Variants in GDPD5 observed in about 807,000 individuals in gnomAD.
The protein encoded by GDPD5 is glycerophosphodiester phosphodiesterase 2.
In GDPD5, 48 loss-of-function variants were observed where a neutral mutation model predicts 75.1. The observed-to-expected ratio is 0.64, with a 90% CI of 0.51 to 0.81. The LOEUF is 0.81. Among genes scored for constraint, GDPD5 ranks in the 40% least tolerant of loss-of-function variants. The pLI is 0.00. For missense variants in GDPD5, 706 were observed against 822.6 expected (o/e 0.86, Z 1.73); for synonymous variants, 336 against 339.0 (o/e 0.99, Z 0.10).
Position 75,444,530 on chromosome 11 carries a change from A to G in GDPD5, c.715-35T>C, listed in dbSNP as rs369443010. 1.9e-4 allele frequency: 287 copies of G among 1,486,320 alleles called. 2 individuals are homozygous for G. The East Asian group carries it at 4.3e-3, about 22-fold the overall frequency. The allele number at this position is 1,486,320 out of a possible 1,614,324, so 92.1% of individuals were successfully genotyped here. ...AAGGGGTGGTGAAGGGAGAGCCAAG[A>G]TTCAGCTGATGTACCCTCCCCAGCC... On this transcript the variant is annotated intron_variant, in intron 9 of 16. Coordinates refer to ENST00000336898, the MANE Select transcript of GDPD5 (RefSeq NM_030792.8).
intron 1 of GDPD5, among the ~76,000 whole-genome samples, chr11:75,519,049 T>C (rs1480856668): frequency 6.6e-6 from 1 of 152,154 alleles, no homozygotes; most frequent in Admixed American, 6.5e-5. Flanking sequence ...GAGCTGAGCC[T>C]GTCAGACCAG....
chr11:75,477,761 G>GA lies in GDPD5; in HGVS notation c.-27_-26insT. 2 of 1,501,132 alleles carry GA rather than the reference G, an allele frequency of 1.3e-6. No homozygotes were observed. The highest frequency in any genetic ancestry group is 1.8e-6 in the Non-Finnish European group (2 of 1,107,728). The allele number at this position is 1,501,132 out of a possible 1,614,324, so 93.0% of individuals were successfully genotyped here. A position where few individuals can be genotyped will look rare whatever the true frequency, so the allele number is the denominator to read the frequency against. ...ACTCGTGCCCACGGCCCTGGCGCCT[G>GA]GCCCTCAGGCGCCCATGGAGGCCCC... On this transcript the variant is annotated 5_prime_UTR_variant, in exon 3 of 17. Transcript: ENST00000336898.
In GDPD5 at chr11:75,439,927, G is replaced by C. The variant is rs1425166429; in HGVS notation, c.1508C>G (p.Ala503Gly). ...PDEYCLMWVT[A>G]DLVSFTLIVG... is the part of the protein sequence containing the mutation. ...GATGAGGGTGAAGGAGACCAGGTCGGCAGTGACCCACATGAGACAGTACTC... is the reference window on the plus strand; with the variant it reads ...GATGAGGGTGAAGGAGACCAGGTCGCCAGTGACCCACATGAGACAGTACTC... Residue 503 changes from alanine to glycine, a missense_variant, in exon 15 of 17, where the codon GCC becomes GGC. Transcript: ENST00000336898. 6.2e-6 allele frequency: 10 copies of C among 1,613,882 alleles called. No homozygotes were observed. The East Asian group carries it at 2.2e-4, about 36-fold the overall frequency.
chr11:75,488,290 AC>A (rs1273179983), intron 2 of GDPD5, among the ~76,000 whole-genome samples: 5 of 152,074 alleles, frequency 3.3e-5, no homozygotes, highest in African/African-American at 9.7e-5. Context: ...CCCCGGGACT[AC>A]TATTTGGGGG....
intron 1 of GDPD5, among the ~76,000 whole-genome samples, chr11:75,506,074 T>G (rs980209048): frequency 1.3e-5 from 2 of 152,176 alleles, no homozygotes; most frequent in Admixed American, 1.3e-4. Flanking sequence ...ATAAGGACCC[T>G]TCCCAGAGCC....
chr11:75,495,011 T>A (rs1950184618), intron 1 of GDPD5, among the ~76,000 whole-genome samples: 1 of 151,884 alleles, frequency 6.6e-6, no homozygotes, highest in African/African-American at 2.4e-5. Context: ...CTCACGTCTG[T>A]AATCTCAGCA....
chr11:75,513,751 C>T (rs2135492887), intron 1 of GDPD5, among the ~76,000 whole-genome samples: 1 of 152,328 alleles, frequency 6.6e-6, no homozygotes, highest in South Asian at 2.1e-4. Flanking sequence ...TCCCAGGAGC[C>T]CCAGATGACC....
intron 5 of GDPD5, among the ~76,000 whole-genome samples, chr11:75,457,275 C>T (rs1384085563): frequency 6.6e-6 from 1 of 152,176 alleles, no homozygotes; most frequent in East Asian, 1.9e-4. Context: ...AGTGGGCCCT[C>T]TCGGCCAGGA....
chr11:75,460,009 G>C (rs766689506), intron 4 of GDPD5, among the ~76,000 whole-genome samples: 2 of 152,162 alleles, frequency 1.3e-5, no homozygotes, highest in Non-Finnish European at 2.9e-5. Context: ...GCCCTCCCTG[G>C]CCCTCATCCT....
At chr11:75,499,990 C>T (rs1950277152) in intron 1 of GDPD5, among the ~76,000 whole-genome samples, 1 of 152,174 alleles carries the variant, frequency 6.6e-6, no homozygotes, top group African/African-American at 2.4e-5. Flanking sequence ...TACCACCATA[C>T]CCTGCAGATA....
At chr11:75,454,422 C>T (rs192542935) in intron 6 of GDPD5, among the ~76,000 whole-genome samples, 27 of 152,324 alleles carry the variant, frequency 1.8e-4, no homozygotes, top group African/African-American at 6.5e-4. Flanking sequence ...GAATCGGAGG[C>T]ACTTGGCAAG....
At chr11:75,510,979 A>G (rs1320746784) in intron 1 of GDPD5, among the ~76,000 whole-genome samples, 1 of 152,198 alleles carries the variant, frequency 6.6e-6, no homozygotes, top group Non-Finnish European at 1.5e-5. Context: ...CATGTATTTA[A>G]GGCTTGTCTT....
In GDPD5 at chr11:75,462,841, G is replaced by A. The variant is rs942259201; in HGVS notation, c.166C>T (p.Leu56Phe). The A allele has an allele frequency of 1.9e-6, 3 of 1,614,032 alleles. No individual in the cohort carries two copies. The African/African-American group carries it at 4.0e-5, about 22-fold the overall frequency. The change falls in exon 4 of 17, where the codon CTC becomes TTC. Residue 56 changes from leucine (L) to phenylalanine (F), a missense_variant. By Grantham distance (22) the Leu-to-Phe change is conservative. Transcript: ENST00000336898. ...LLLTFTFGLTLTWLYFWWEVH... is the reference protein window; with the variant it reads ...LLLTFTFGLTFTWLYFWWEVH... ...TCCCACCAGAAGTAAAGCCAGGTGA[G>A]CGTGAGGCCAAAGGTGAAGGTGAGG...
In GDPD5 at chr11:75,441,796, C is replaced by T; in HGVS notation, c.1175G>A (p.Trp392Ter). The change falls in exon 13 of 17, where the codon TGG becomes TAG. Residue 392 changes from tryptophan to a stop codon, truncating the protein, a stop_gained. Coordinates refer to ENST00000336898, the MANE Select transcript of GDPD5 (RefSeq NM_030792.8). LOFTEE classifies it high-confidence loss of function. ...HSGFPQHQVMWLPSRQRPLVR... is the reference protein window; with the variant it reads ...HSGFPQHQVM ...CAGGGGCCTCTGCCTGCTAGGCAGC[C>T]ACATGACCTGCAGGCAGAAGAGAGG... The T allele has an allele frequency of 6.2e-7, 1 of 1,608,014 alleles. No individual in the cohort carries two copies. The highest frequency in any genetic ancestry group is 8.5e-7 in the Non-Finnish European group (1 of 1,179,424).
intron 1 of GDPD5, among the ~76,000 whole-genome samples, chr11:75,492,214 G>A (rs922869320): frequency 6.6e-6 from 1 of 152,202 alleles, no homozygotes; most frequent in African/African-American, 2.4e-5. Context: ...GGGTGAGGCA[G>A]AATGGTCTCA....
At chr11:75,495,239 G>A (rs1041262527) in intron 1 of GDPD5, among the ~76,000 whole-genome samples, 1 of 150,462 alleles carries the variant, frequency 6.6e-6, no homozygotes, top group African/African-American at 2.4e-5. Flanking sequence ...CTGCACTTCA[G>A]CCTGAGTGAC....
chr11:75,523,109 A>G (rs1941526334), intron 1 of GDPD5, among the ~76,000 whole-genome samples: 1 of 152,172 alleles, frequency 6.6e-6, no homozygotes, highest in African/African-American at 2.4e-5. Flanking sequence ...CTTCATAGGG[A>G]TGGAAACGGA....
In GDPD5 at chr11:75,434,644, G is replaced by T. The variant is rs1201433993; in HGVS notation, c.*863C>A. On this transcript the variant is annotated 3_prime_UTR_variant, in exon 17 of 17. Coordinates refer to ENST00000336898, the MANE Select transcript of GDPD5 (RefSeq NM_030792.8). Reference sequence around the variant, plus strand: ...GCAATTCAGAGACAACACACATCAAGATGGCAGCTTTAATCACATTGGCCA... The same window carrying T: ...GCAATTCAGAGACAACACACATCAATATGGCAGCTTTAATCACATTGGCCA... The T allele has an allele frequency of 2.0e-5, 3 of 152,366 alleles. No homozygotes were observed. The highest frequency in any genetic ancestry group is 7.2e-5 in the African/African-American group (3 of 41,460). The allele number at this position is 152,366 out of a possible 1,614,324, so 9.4% of individuals were successfully genotyped here. A position where few individuals can be genotyped will look rare whatever the true frequency, so the allele number is the denominator to read the frequency against.
chr11:75,509,255 G>A (rs941042298), intron 1 of GDPD5, among the ~76,000 whole-genome samples: 4 of 152,172 alleles, frequency 2.6e-5, no homozygotes, highest in Non-Finnish European at 5.9e-5. Flanking sequence ...GCCAGGGAAG[G>A]GGCGGTATCT....
Sources: gnomAD v4.1 joint callset for allele counts (sites outside exome capture counted in the v4.1 genomes callset) on GRCh38, gnomAD v4.1.1 for gene constraint, MANE v1.5 for transcripts, NCBI Gene and HGNC (gene_info 2026-07-23, HGNC 2026-07-21) for gene names.